The following WDR72 variants were observed in gnomAD, a reference collection of about 807,000 sequenced individuals.
WDR72 encodes WD repeat-containing protein 72.
In WDR72, 120 loss-of-function variants were observed where a neutral mutation model predicts 124.2. The observed-to-expected ratio is 0.97, with a 90% confidence interval of 0.83 to 1.12. The LOEUF (loss-of-function observed/expected upper bound fraction) is 1.12. WDR72 is among the 50% of genes most tolerant of loss of function. The pLI is 0.00. For synonymous variants in WDR72, 452 were observed against 441.7 expected (o/e 1.02, Z -0.29); for missense variants, 1,387 against 1,278.8 (o/e 1.08, Z -1.29).
chr15:53,595,185 T>G (rs923104741), intron 18 of WDR72, among the ~76,000 whole-genome samples: 77 of 152,036 alleles, frequency 5.1e-4, no homozygotes, highest in African/African-American at 1.8e-3. Flanking sequence ...TCTTTTACCA[T>G]AGGCAAAAAA....
chr15:53,597,770 C>T (rs1011731271), intron 17 of WDR72, among the ~76,000 whole-genome samples: 6 of 152,078 alleles, frequency 3.9e-5, no homozygotes, highest in African/African-American at 1.4e-4. Context: ...TTGTGTATAC[C>T]TATGTGGTTT....
At chr15:53,698,956 CACTT>C (rs1490686091) in intron 13 of WDR72, among the ~76,000 whole-genome samples, 1 of 152,208 alleles carries the variant, frequency 6.6e-6, no homozygotes, top group Non-Finnish European at 1.5e-5. Flanking sequence ...TAGTCATCAT[CACTT>C]ACACATGACA....
intron 14 of WDR72, among the ~76,000 whole-genome samples, chr15:53,653,290 A>G (rs1292026435): frequency 6.6e-6 from 1 of 152,214 alleles, no homozygotes. Flanking sequence ...TGATAAAGTT[A>G]TAAAATAGGT....
intron 13 of WDR72, among the ~76,000 whole-genome samples, chr15:53,697,134 G>A (rs1224517522): frequency 2.0e-5 from 3 of 152,140 alleles, no homozygotes; most frequent in South Asian, 2.1e-4. Flanking sequence ...TGTTTGATAC[G>A]GAAATTCTAA....
chr15:53,609,132 T>C (rs930160638), intron 17 of WDR72, among the ~76,000 whole-genome samples: 5 of 152,094 alleles, frequency 3.3e-5, no homozygotes, highest in African/African-American at 4.8e-5. Flanking sequence ...ATATGACCAC[T>C]ATGTGCCCAC....
chr15:53,563,725 A>C lies in WDR72; in HGVS notation c.3148+33354T>G, dbSNP rs1243368936. ...GTTCTTGCAGAATGTTGGTTGGATG[A>C]CATAAAGAGCACAGGCTTGCCTATC... is the stretch of plus-strand genomic sequence containing the variant. On this transcript the variant is annotated intron_variant, in intron 18 of 19. Transcript: ENST00000360509. 4.6e-4 allele frequency among the ~76,000 whole-genome samples: 70 copies of C among 151,762 alleles called. 1 individual carries two copies. Among genetic ancestry groups the C allele is most frequent in the Non-Finnish European group, 1.5e-5 (1 of 67,822 alleles).
At chr15:53,552,295 G>T (rs186138296) in intron 18 of WDR72, among the ~76,000 whole-genome samples, 284 of 152,194 alleles carry the variant, frequency 1.9e-3, no homozygotes, top group Admixed American at 4.4e-3. Flanking sequence ...TGGGCTCATG[G>T]ATGCTACATA....
In WDR72 at chr15:53,522,592, A is replaced by G. The variant is rs1051659020; in HGVS notation, c.3253+626T>C. Among the ~76,000 whole-genome samples, 4 of 152,248 alleles carry G rather than the reference A, an allele frequency of 2.6e-5. No individual in the cohort carries two copies. In the South Asian group the frequency reaches 6.2e-4, roughly 24 times the overall value. ...CAAAAATAGAAACAGAAATCCTTGTATAAGTGTTTCTAGCTGTATCCTTCT... is the reference window on the plus strand; with the variant it reads ...CAAAAATAGAAACAGAAATCCTTGTGTAAGTGTTTCTAGCTGTATCCTTCT... On this transcript the variant is annotated intron_variant, in intron 19 of 19. Coordinates refer to ENST00000360509, the MANE Select transcript of WDR72 (RefSeq NM_182758.4).
chr15:53,623,733 C>T (rs1342231322), intron 14 of WDR72, among the ~76,000 whole-genome samples: 1 of 152,166 alleles, frequency 6.6e-6, no homozygotes, highest in African/African-American at 2.4e-5. Context: ...CTGCCTTCCA[C>T]AGTAGGTGAA....
chr15:53,716,752 C>A (rs1431548846), intron 3 of WDR72, 67 bp from the exon 4 acceptor site: 9 of 1,237,440 alleles, frequency 7.3e-6, no homozygotes, highest in Middle Eastern at 3.7e-4. Flanking sequence ...AATTTTTGTG[C>A]CACCAAGTTT....
chr15:53,578,323 C>A (rs1368049204), intron 18 of WDR72, among the ~76,000 whole-genome samples: 1 of 152,040 alleles, frequency 6.6e-6, no homozygotes, highest in Admixed American at 6.6e-5. Flanking sequence ...AACAGAGAGG[C>A]CTTTCCAGAG....
intron 13 of WDR72, among the ~76,000 whole-genome samples, chr15:53,668,620 G>A (rs1382115550): frequency 6.6e-6 from 1 of 152,094 alleles, no homozygotes. Context: ...TTAAGGCCAG[G>A]TATAATAGCT....
chr15:53,612,430 T>C (rs1169520646), intron 16 of WDR72, among the ~76,000 whole-genome samples: 1 of 151,958 alleles, frequency 6.6e-6, no homozygotes, highest in African/African-American at 2.4e-5. Flanking sequence ...TAAAGTGGCA[T>C]TGGAGCAAGA....
intron 14 of WDR72, among the ~76,000 whole-genome samples, chr15:53,619,834 T>C (rs1307982958): frequency 1.3e-5 from 2 of 152,112 alleles, no homozygotes; most frequent in African/African-American, 4.8e-5. Context: ...TTAATTCTAA[T>C]ATGCATTATT....
At chr15:53,684,268 C>CG (rs2016513875) in intron 13 of WDR72, 2 of 156,634 alleles carry the variant, frequency 1.3e-5, no homozygotes, top group East Asian at 1.9e-4. Flanking sequence ...ACGCAGAAGA[C>CG]GGTGATTTCT....
At chr15:53,727,257 A>T (rs986797279) in intron 2 of WDR72, among the ~76,000 whole-genome samples, 15 of 151,354 alleles carry the variant, frequency 9.9e-5, no homozygotes, top group Admixed American at 5.9e-4. Context: ...CAAAAATTGA[A>T]TTTGAATGGC....
chr15:53,540,668 G>A (rs559076573), intron 18 of WDR72, among the ~76,000 whole-genome samples: 2 of 152,048 alleles, frequency 1.3e-5, no homozygotes, highest in East Asian at 1.9e-4. Flanking sequence ...GAACAGCTCC[G>A]GTCTACAGCT....
At chr15:53,694,604 TCCA>T (rs1274316792) in intron 13 of WDR72, among the ~76,000 whole-genome samples, 3 of 152,178 alleles carry the variant, frequency 2.0e-5, no homozygotes, top group Non-Finnish European at 4.4e-5. Flanking sequence ...AAGGCTGACC[TCCA>T]TCTGCAAGAG....
rs150850792 is a variant in WDR72, at chr15:53,523,220, G to A, written c.3251C>T (p.Pro1084Leu). The A allele has an allele frequency of 1.2e-6, 2 of 1,612,452 alleles. No homozygotes were observed. Among genetic ancestry groups the A allele is most frequent in the Non-Finnish European group, 1.7e-6 (2 of 1,179,058 alleles). Residue 1084 changes from proline (P) to leucine (L), a missense_variant and splice_region_variant, in exon 19 of 20, where the codon CCA becomes CTA. Pro to Leu is a moderately conservative substitution (Grantham distance 98). Coordinates refer to ENST00000360509, the MANE Select transcript of WDR72 (RefSeq NM_182758.4). ...GACTATTTTTAAATGGCTTTCACCTGGACTCTCAGACTCTTCCAAGGCACA... is the reference window on the plus strand; with the variant it reads ...GACTATTTTTAAATGGCTTTCACCTAGACTCTCAGACTCTTCCAAGGCACA... The part of the protein sequence containing the change: ...DRCALEESES[P>L]GEPRHHSWIA...
Sources: gnomAD v4.1 joint callset for allele counts (sites outside exome capture counted in the v4.1 genomes callset) on GRCh38, gnomAD v4.1.1 for gene constraint, MANE v1.5 for transcripts, NCBI Gene and HGNC (gene_info 2026-07-23, HGNC 2026-07-21) for gene names.